Variants in ITFG1 observed in about 807,000 individuals in gnomAD.
ITFG1 encodes T-cell immunomodulatory protein.
ITFG1 carries 34 observed loss-of-function variants against 81.8 expected under a neutral mutation model. The observed-to-expected ratio is 0.42, with a 90% confidence interval of 0.32 to 0.55. The LOEUF (loss-of-function observed/expected upper bound fraction) is 0.55. ITFG1 is among the 20% of genes least tolerant of loss of function. ITFG1 has a pLI of 0.17. For missense variants in ITFG1, 672 were observed against 755.4 expected, an observed-to-expected ratio of 0.89 and a Z score of 1.29; for synonymous variants, 285 against 270.6, an observed-to-expected ratio of 1.05 and a Z score of -0.52.
At position 47,246,249 on chromosome 16, in the gene ITFG1, G is replaced by T. The variant is rs532069896; in HGVS notation, c.1331-8241C>A. Among the ~76,000 whole-genome samples, 3 of 152,094 alleles carry T rather than the reference G, an allele frequency of 2.0e-5. 1 individual carries two copies. The highest frequency in any genetic ancestry group is 4.8e-5 in the African/African-American group (2 of 41,498). Reference sequence around the variant, plus strand: ...TTGAAGTTTCACATTATAACATTAGGATCACATGATAAGACTTAAATGTAA... The same window carrying T: ...TTGAAGTTTCACATTATAACATTAGTATCACATGATAAGACTTAAATGTAA... On this transcript the variant is annotated intron_variant, in intron 12 of 17. Coordinates refer to ENST00000320640, the MANE Select transcript of ITFG1 (RefSeq NM_030790.5).
chr16:47,423,715 A>G (rs1968981587), intron 6 of ITFG1, among the ~76,000 whole-genome samples: 1 of 152,132 alleles, frequency 6.6e-6, no homozygotes, highest in Non-Finnish European at 1.5e-5. Flanking sequence ...TGGATATGGG[A>G]TTCTGGGTTG....
At chr16:47,211,950 G>C (rs1383507967) in intron 14 of ITFG1, among the ~76,000 whole-genome samples, 1 of 151,126 alleles carries the variant, frequency 6.6e-6, no homozygotes, top group Non-Finnish European at 1.5e-5. Flanking sequence ...TGGTAGAGAA[G>C]GGGTCTTACT....
intron 6 of ITFG1, among the ~76,000 whole-genome samples, chr16:47,400,387 ACAC>A (rs1968645415): frequency 6.6e-6 from 1 of 151,938 alleles, no homozygotes; most frequent in Non-Finnish European, 1.5e-5. Context: ...ACACACACAC[ACAC>A]CACTAGACAC....
At chr16:47,181,028 G>C (rs533637114) in intron 14 of ITFG1, among the ~76,000 whole-genome samples, 5 of 150,720 alleles carry the variant, frequency 3.3e-5, no homozygotes, top group Non-Finnish European at 1.5e-5. Context: ...GTCTCTGCCC[G>C]GCCGCCATAC....
intron 6 of ITFG1, among the ~76,000 whole-genome samples, chr16:47,389,040 A>C (rs1246145320): frequency 2.0e-5 from 3 of 152,172 alleles, no homozygotes; most frequent in Non-Finnish European, 4.4e-5. Context: ...TCCCACCTTA[A>C]GATGTTTAAA....
intron 10 of ITFG1, chr16:47,263,281 T>C: frequency 2.3e-6 from 1 of 444,396 alleles, no homozygotes; most frequent in Non-Finnish European, 4.6e-6. Context: ...CTGTGTATGC[T>C]TATGGGGTTA....
chr16:47,409,865 T>C (rs912290742), intron 6 of ITFG1, among the ~76,000 whole-genome samples: 3 of 152,046 alleles, frequency 2.0e-5, no homozygotes, highest in Non-Finnish European at 2.9e-5. Context: ...AAACCTGTTA[T>C]GCAAAGTAAA....
intron 10 of ITFG1, among the ~76,000 whole-genome samples, chr16:47,264,401 TAA>T (rs1170948187): frequency 3.3e-5 from 5 of 152,262 alleles, no homozygotes; most frequent in South Asian, 4.1e-4. Flanking sequence ...TGTACCAATT[TAA>T]GTCTCCCATT....
Position 47,372,299 on chromosome 16 carries a change from C to G in ITFG1, c.720+3577G>C, listed in dbSNP as rs1968266656. ...TTGCTCTGTCGCTCAGGCTGGAGTGCAGTGGTGCAATCATAGCTCACTGCA... is the reference window on the plus strand; with the variant it reads ...TTGCTCTGTCGCTCAGGCTGGAGTGGAGTGGTGCAATCATAGCTCACTGCA... On this transcript the variant is annotated intron_variant, in intron 7 of 17. Transcript: ENST00000320640. Among the ~76,000 whole-genome samples, 7 of 152,256 alleles carry G rather than the reference C, an allele frequency of 4.6e-5. No individual in the cohort carries two copies. In the South Asian group the frequency reaches 1.5e-3, roughly 32 times the overall value.
At chr16:47,282,784 T>C (rs1966463656) in intron 10 of ITFG1, among the ~76,000 whole-genome samples, 1 of 152,166 alleles carries the variant, frequency 6.6e-6, no homozygotes, top group South Asian at 2.1e-4. Flanking sequence ...CTGTTCTGAC[T>C]GGTGAAAGAT....
chr16:47,446,592 C>T lies in ITFG1; in HGVS notation c.560+4804G>A, dbSNP rs542753273. ...AAGAAGCACGCGTCCCACAGTTGAA[C>T]GCACACCTCCAGTCAGGACTACTGT... On this transcript the variant is annotated intron_variant, in intron 5 of 17. Transcript: ENST00000320640. Among the ~76,000 whole-genome samples the T allele has an allele frequency of 3.9e-5, 6 of 152,210 alleles. No individual in the cohort carries two copies. In the South Asian group the frequency reaches 8.3e-4, roughly 21 times the overall value.
intron 13 of ITFG1, among the ~76,000 whole-genome samples, chr16:47,226,410 T>C (rs1444001737): frequency 6.6e-6 from 1 of 152,166 alleles, no homozygotes; most frequent in African/African-American, 2.4e-5. Flanking sequence ...TTAGGGTACA[T>C]GTGCACAACG....
intron 12 of ITFG1, among the ~76,000 whole-genome samples, chr16:47,249,913 G>T (rs1462418483): frequency 6.6e-6 from 1 of 152,196 alleles, no homozygotes; most frequent in Non-Finnish European, 1.5e-5. Flanking sequence ...TGCAGGTTGG[G>T]AGAAGGATGA....
chr16:47,277,221 A>G (rs1966406921), intron 10 of ITFG1, among the ~76,000 whole-genome samples: 1 of 152,196 alleles, frequency 6.6e-6, no homozygotes. Context: ...ATTATCTTAA[A>G]ATCAGTTTGC....
intron 14 of ITFG1, among the ~76,000 whole-genome samples, chr16:47,198,750 G>C (rs1159823825): frequency 6.6e-6 from 1 of 152,154 alleles, no homozygotes; most frequent in Non-Finnish European, 1.5e-5. Flanking sequence ...TCCTGACTCA[G>C]TGCAGGCCTA....
At chr16:47,443,340 C>T (rs1480697905) in intron 5 of ITFG1, among the ~76,000 whole-genome samples, 3 of 152,106 alleles carry the variant, frequency 2.0e-5, no homozygotes, top group Admixed American at 6.5e-5. Flanking sequence ...GTCAGTGTGG[C>T]GATTCCTCAG....
At chr16:47,428,536 CAT>C (rs147388660) in intron 6 of ITFG1, among the ~76,000 whole-genome samples, 16,337 of 152,028 alleles carry the variant, frequency 0.11, 1,211 homozygotes, top group Non-Finnish European at 0.14. Context: ...CAGCAGGCAA[CAT>C]GTGCTGAAAT....
At chr16:47,456,845 A>G (rs1969460497) in intron 2 of ITFG1, among the ~76,000 whole-genome samples, 1 of 152,186 alleles carries the variant, frequency 6.6e-6, no homozygotes, top group African/African-American at 2.4e-5. Context: ...CCACATAGTA[A>G]GTCTACAAAA....
chr16:47,396,244 A>C (rs1968591497), intron 6 of ITFG1: 2 of 782,802 alleles, frequency 2.6e-6, no homozygotes, highest in South Asian at 5.8e-5. Context: ...GAGTAGGTAC[A>C]GCTGTTAGCT....
Sources: allele counts gnomAD v4.1 joint callset (sites outside exome capture counted in the v4.1 genomes callset), GRCh38; gene constraint gnomAD v4.1.1; transcripts MANE v1.5; gene names NCBI Gene and HGNC (gene_info 2026-07-23, HGNC 2026-07-21).